BPGM: variants seen among roughly 807,000 people sequenced by gnomAD.
The protein encoded by BPGM is 2,3-bisphosphoglycerate mutase, erythrocyte.
BPGM carries 15 observed loss-of-function variants against 21.6 expected under a neutral mutation model. That is an observed-to-expected ratio of 0.70 (90% CI 0.47 to 1.07). BPGM has a LOEUF of 1.07. Among genes scored for constraint, BPGM ranks in the 50% least tolerant of loss-of-function variants. BPGM has a pLI of 0.00. For synonymous variants in BPGM, 113 were observed against 116.2 expected, an observed-to-expected ratio of 0.97 and a Z score of 0.18; for missense variants, 273 against 319.0, an observed-to-expected ratio of 0.86 and a Z score of 1.10.
In BPGM at chr7:134,648,132, G is replaced by GTTTTTTT. The variant is rs1037270275; in HGVS notation, c.-62+1199_-62+1205dup. ...TTCTTTCTTTCTTTCTTTTGTTTTG[G>GTTTTTTT]TTTTTTTTTTGTTTTGTTTTCAGAC... On this transcript the variant is annotated intron_variant, in intron 1 of 2. Coordinates refer to ENST00000344924, the MANE Select transcript of BPGM (RefSeq NM_001724.5). Among the ~76,000 whole-genome samples the GTTTTTTT allele has an allele frequency of 8.3e-5, 12 of 144,254 alleles. No individual in the cohort carries two copies. The East Asian group carries it at 1.8e-3, about 22-fold the overall frequency. 94.6% of individuals were successfully genotyped at this position (144,254 alleles called of 152,430 possible). A position where few individuals can be genotyped will look rare whatever the true frequency, so the allele number is the denominator to read the frequency against.
chr7:134,663,724 C>G (rs73439998), intron 2 of BPGM, among the ~76,000 whole-genome samples: 7,487 of 152,182 alleles, frequency 0.049, 339 homozygotes, highest in African/African-American at 0.12. Flanking sequence ...GATCATCTTT[C>G]TCCACCTTCT....
In BPGM at chr7:134,658,892, A is replaced by ATTTTTTTTTTTT. The variant is rs1554411129; in HGVS notation, c.-61-2545_-61-2544insTTTTTTTTTTTT. ...TCTGTTCTGGTGTGTGTGTGTGTGT[A>ATTTTTTTTTTTT]TTTTTTTTTTAGTAAAAAGAAAACA... On this transcript the variant is annotated intron_variant, in intron 1 of 2. Coordinates refer to ENST00000344924, the MANE Select transcript of BPGM (RefSeq NM_001724.5). Among the ~76,000 whole-genome samples, 106 of 143,894 alleles carry ATTTTTTTTTTTT rather than the reference A, an allele frequency of 7.4e-4. 1 individual carries two copies. The highest frequency in any genetic ancestry group is 1.1e-3 in the Non-Finnish European group (75 of 66,276). The allele number at this position is 143,894 out of a possible 152,430, so 94.4% of individuals were successfully genotyped here.
At position 134,673,503 on chromosome 7, in the gene BPGM, G is replaced by A. The variant is rs78390066; in HGVS notation, c.602-5350G>A. ...ACCTGTTGGATCCGGTTAGATCTGA[G>A]GCCATGGTCAAACAAGTGAATCCCA... On this transcript the variant is annotated intron_variant, in intron 2 of 2. Coordinates refer to ENST00000344924, the MANE Select transcript of BPGM (RefSeq NM_001724.5). Among the ~76,000 whole-genome samples, 3 of 152,272 alleles carry A rather than the reference G, an allele frequency of 2.0e-5. No individual in the cohort carries two copies. In the East Asian group the frequency reaches 5.8e-4, roughly 29 times the overall value.
chr7:134,671,054 T>C (rs1004692017), intron 2 of BPGM, among the ~76,000 whole-genome samples: 5 of 152,304 alleles, frequency 3.3e-5, no homozygotes, highest in African/African-American at 1.2e-4. Context: ...TCTCCTTTTT[T>C]TTTCTTGGTA....
intron 1 of BPGM, among the ~76,000 whole-genome samples, chr7:134,655,996 C>G (rs1350244789): frequency 6.6e-6 from 1 of 152,162 alleles, no homozygotes. Flanking sequence ...CAGGCCTGAC[C>G]TACTTCCCAA....
rs1462020538 is a variant in BPGM at position 134,679,113 on chromosome 7, T to C, written c.*82T>C. ...ATGGGTGCTGAACTCTCTCTCTTTT[T>C]CCCCGATTTTCCAGAGCTAGGCTGT... On this transcript the variant is annotated 3_prime_UTR_variant, in exon 3 of 3. Coordinates refer to ENST00000344924, the MANE Select transcript of BPGM (RefSeq NM_001724.5). The C allele has an allele frequency of 1.0e-5, 15 of 1,478,812 alleles. No individual in the cohort carries two copies. The highest frequency in any genetic ancestry group is 1.4e-5 in the African/African-American group (1 of 71,904). The allele number at this position is 1,478,812 out of a possible 1,614,324, so 91.6% of individuals were successfully genotyped here.
intron 1 of BPGM, among the ~76,000 whole-genome samples, chr7:134,659,386 TGTGTGTGTGTGTGTGTGTG>T (rs1795693872): frequency 9.0e-6 from 1 of 110,796 alleles, no homozygotes; most frequent in Non-Finnish European, 1.9e-5. Context: ...TGTGTGTGTG[TGTGTGTGTGTGTGTGTGTG>T]TGTGTGTTCA....
At chr7:134,651,408 T>A (rs1203945392) in intron 1 of BPGM, among the ~76,000 whole-genome samples, 6 of 152,084 alleles carry the variant, frequency 3.9e-5, no homozygotes, top group Non-Finnish European at 7.4e-5. Flanking sequence ...CCCAGGAGTG[T>A]CAGTTTGGAA....
intron 2 of BPGM, among the ~76,000 whole-genome samples, chr7:134,670,711 G>T (rs1399372031): frequency 6.6e-6 from 1 of 152,090 alleles, no homozygotes; most frequent in Non-Finnish European, 1.5e-5. Flanking sequence ...ACAGATTGTC[G>T]GTGGGGTTTG....
chr7:134,649,603 G>C (rs942531981), intron 1 of BPGM, among the ~76,000 whole-genome samples: 1 of 152,182 alleles, frequency 6.6e-6, no homozygotes, highest in Middle Eastern at 3.2e-3. Flanking sequence ...AGGACAAAAA[G>C]TATTACTTAA....
intron 1 of BPGM, among the ~76,000 whole-genome samples, chr7:134,649,366 T>G (rs1795520997): frequency 1.3e-5 from 2 of 152,188 alleles, no homozygotes; most frequent in South Asian, 4.1e-4. Context: ...CAACTACTGT[T>G]AGTGTTTGGG....
chr7:134,667,444 G>A (rs1298765215), intron 2 of BPGM, among the ~76,000 whole-genome samples: 3 of 151,892 alleles, frequency 2.0e-5, no homozygotes, highest in South Asian at 4.1e-4. Flanking sequence ...GTGGGGTCAC[G>A]CACCTGTAGT....
chr7:134,652,480 G>T (rs1795571625), intron 1 of BPGM, among the ~76,000 whole-genome samples: 2 of 151,924 alleles, frequency 1.3e-5, no homozygotes, highest in African/African-American at 4.8e-5. Context: ...TTTATTTTTT[G>T]TGTGTTGGGA....
At chr7:134,670,022 A>G (rs1232876477) in intron 2 of BPGM, among the ~76,000 whole-genome samples, 3 of 152,158 alleles carry the variant, frequency 2.0e-5, no homozygotes, top group Non-Finnish European at 4.4e-5. Context: ...TGTGGTTGGC[A>G]TAGTCACTTC....
chr7:134,658,263 C>CA (rs1258842994), intron 1 of BPGM: 5 of 152,070 alleles, frequency 3.3e-5, no homozygotes, highest in Non-Finnish European at 7.4e-5. Context: ...TTTATTTACT[C>CA]AAAGTTTCTC....
intron 2 of BPGM, among the ~76,000 whole-genome samples, chr7:134,673,189 A>G (rs1413452488): frequency 3.9e-5 from 6 of 152,090 alleles, no homozygotes; most frequent in East Asian, 1.9e-4. Context: ...GAAAATAATA[A>G]TAATAAAATA....
chr7:134,661,399 A>C lies in BPGM; in HGVS notation c.-61-48A>C. 1 of 1,500,502 alleles carries C rather than the reference A, an allele frequency of 6.7e-7. No homozygotes were observed. The highest frequency in any genetic ancestry group is 9.2e-7 in the Non-Finnish European group (1 of 1,086,550). 92.9% of individuals were successfully genotyped at this position (1,500,502 alleles called of 1,614,324 possible). A position where few individuals can be genotyped will look rare whatever the true frequency, so the allele number is the denominator to read the frequency against. The stretch of plus-strand genomic sequence containing the variant: ...GTTGTAAAGCGATGTTTCTATTCCT[A>C]GATTGTCAGTTGAATATAACTTAGA... On this transcript the variant is annotated intron_variant, in intron 1 of 2. Coordinates refer to ENST00000344924, the MANE Select transcript of BPGM (RefSeq NM_001724.5). The surrounding 1 kb of genome is among the most constrained non-coding windows in gnomAD (Gnocchi z 4.6).
intron 2 of BPGM, among the ~76,000 whole-genome samples, chr7:134,674,639 C>T (rs1795959662): frequency 6.6e-6 from 1 of 152,148 alleles, no homozygotes; most frequent in Non-Finnish European, 1.5e-5. Context: ...TATGGATATA[C>T]CACATTTAAT....
chr7:134,668,952 G>A (rs904482689), intron 2 of BPGM, among the ~76,000 whole-genome samples: 1 of 152,158 alleles, frequency 6.6e-6, no homozygotes, highest in Non-Finnish European at 1.5e-5. Flanking sequence ...GGGGTTGATA[G>A]AGCTGTTTTA....
Sources: gnomAD v4.1 joint callset for allele counts (sites outside exome capture counted in the v4.1 genomes callset) on GRCh38, gnomAD v4.1.1 for gene constraint, Gnocchi (gnomAD v3.1) non-coding constraint, MANE v1.5 for transcripts, NCBI Gene and HGNC (gene_info 2026-07-23, HGNC 2026-07-21) for gene names.